RAB17: variants seen among roughly 807,000 people sequenced by gnomAD.
The protein encoded by RAB17 is ras-related protein Rab-17.
RAB17 carries 15 observed loss-of-function variants against 19.3 expected under a neutral mutation model. That is an observed-to-expected ratio of 0.78 (90% CI 0.52 to 1.20). The LOEUF (loss-of-function observed/expected upper bound fraction) is 1.20, where lower values mean the gene tolerates loss of function less well. Ranked by LOEUF, RAB17 falls within the 50% of genes most tolerant of loss-of-function variation. The pLI is 0.00. For missense variants in RAB17, 262 were observed against 269.3 expected, an observed-to-expected ratio of 0.97 and a Z score of 0.19; for synonymous variants, 110 against 112.8, an observed-to-expected ratio of 0.97 and a Z score of 0.16.
At position 237,575,082 on chromosome 2, in the gene RAB17, C is replaced by T. The variant is rs769259195; in HGVS notation, c.576G>A (p.Arg192=). Residue 192 remains arginine, a synonymous_variant, in exon 6 of 6, where the codon CGG becomes CGA. Coordinates refer to ENST00000264601, the MANE Select transcript of RAB17 (RefSeq NM_022449.4). ...TGTTCAGAGCCACAGCTGCATCCCC[C>T]CGTAGAGCCTGGCCCTCCTCGTCGC... The part of the protein sequence containing the change: ...QRSDEEGQAL[R]GDAAVALNKG... 6 of 1,613,742 alleles carry T rather than the reference C, an allele frequency of 3.7e-6. No individual in the cohort carries two copies. In the South Asian group the frequency reaches 5.5e-5, roughly 15 times the overall value.
intron 2 of RAB17, among the ~76,000 whole-genome samples, chr2:237,582,176 C>T (rs1261908139): frequency 6.6e-6 from 1 of 152,372 alleles, no homozygotes; most frequent in Non-Finnish European, 1.5e-5. Context: ...CTTCAGGGCT[C>T]GAGTCCATGT....
chr2:237,575,325 C>G, intron 5 of RAB17, 62 bp downstream of exon 5: 3 of 1,357,946 alleles, frequency 2.2e-6, no homozygotes, highest in Non-Finnish European at 1.0e-6. Context: ...CAACAGGGAC[C>G]CAGGGAAGTT....
In RAB17 at chr2:237,574,366, C is replaced by G. The variant is rs984079182; in HGVS notation, c.*653G>C. ...TAATTTTTGGAGGAAAAACTGCATA[C>G]GCAGTACAACTTATATCTCAGGCGA... On this transcript the variant is annotated 3_prime_UTR_variant, in exon 6 of 6. Coordinates refer to ENST00000264601, the MANE Select transcript of RAB17 (RefSeq NM_022449.4). 3 of 1,473,796 alleles carry G rather than the reference C, an allele frequency of 2.0e-6. No homozygotes were observed. Among genetic ancestry groups the G allele is most frequent in the Non-Finnish European group, 1.8e-6 (2 of 1,111,062 alleles). 91.3% of individuals were successfully genotyped at this position (1,473,796 alleles called of 1,614,324 possible).
chr2:237,579,346 A>C (rs1307796011), intron 2 of RAB17: 1 of 152,270 alleles, frequency 6.6e-6, no homozygotes, highest in Non-Finnish European at 1.5e-5. Flanking sequence ...TCAAATTAGC[A>C]AATTTCTTCC....
At chr2:237,575,211 C>T (rs745846541) in intron 5 of RAB17, 83 bp from the exon 6 acceptor site, 7 of 1,199,944 alleles carry the variant, frequency 5.8e-6, no homozygotes, top group Non-Finnish European at 7.1e-6. Context: ...CACCCCAGGA[C>T]CCGCCCCTCC....
In RAB17 at chr2:237,574,545, G is replaced by A; in HGVS notation, c.*474C>T. The A allele has an allele frequency of 8.4e-6, 13 of 1,550,366 alleles. No homozygotes were observed. Among genetic ancestry groups the A allele is most frequent in the Non-Finnish European group, 1.1e-5 (13 of 1,146,872 alleles). ...GTGGAAATCCTGGGCCCACCCCACA[G>A]TCAGTCATCGCTCCATTTCTTCCTG... On this transcript the variant is annotated 3_prime_UTR_variant, in exon 6 of 6. Transcript: ENST00000264601.
At chr2:237,589,722 G>A (rs1487431712) in intron 1 of RAB17, among the ~76,000 whole-genome samples, 1 of 152,166 alleles carries the variant, frequency 6.6e-6, no homozygotes, top group East Asian at 1.9e-4. Flanking sequence ...ATGTTATTAG[G>A]TTGTTGAAGA....
chr2:237,586,205 A>G, intron 1 of RAB17, 48 bp from the exon 2 acceptor site: 1 of 1,533,272 alleles, frequency 6.5e-7, no homozygotes. Context: ...TCGGAGCCAC[A>G]TCATCTCAGC....
chr2:237,578,250 C>A, intron 2 of RAB17, 95 bp from the exon 3 acceptor site: 1 of 1,280,292 alleles, frequency 7.8e-7, no homozygotes. Flanking sequence ...CAGCAATGGG[C>A]TCAGAGGGAC....
rs897506672 is a variant in RAB17, at chr2:237,574,920, G to A, written c.*99C>T. 17 of 1,010,276 alleles carry A rather than the reference G, an allele frequency of 1.7e-5. No individual in the cohort carries two copies. Among genetic ancestry groups the A allele is most frequent in the African/African-American group, 5.0e-5 (3 of 59,506 alleles). 62.6% of individuals were successfully genotyped at this position (1,010,276 alleles called of 1,614,324 possible). On this transcript the variant is annotated 3_prime_UTR_variant, in exon 6 of 6. Transcript: ENST00000264601. ...CAACTTCCAGGAACATCTAGGGCTC[G>A]GGAGCAACCCAGCATTGACAGTGAA...
In RAB17 at chr2:237,582,612, G is replaced by A. The variant is rs189092945; in HGVS notation, c.157+3386C>T. Among the ~76,000 whole-genome samples, 86 of 152,322 alleles carry A rather than the reference G, an allele frequency of 5.6e-4. 1 individual carries two copies. The highest frequency in any genetic ancestry group is 8.8e-5 in the Non-Finnish European group (6 of 68,028). ...CACTCCCATTCTCCTCTGAGGCTCT[G>A]CTCCTGGCCTACCCTCTCCCCTGGA... On this transcript the variant is annotated intron_variant, in intron 2 of 5. Transcript: ENST00000264601.
chr2:237,579,705 G>A (rs1240975600), intron 2 of RAB17: 2 of 117,022 alleles, frequency 1.7e-5, no homozygotes, highest in African/African-American at 8.7e-5. Context: ...TTTACGGGTG[G>A]GAGAAACTCA....
chr2:237,580,003 A>G (rs1168793099), intron 2 of RAB17, among the ~76,000 whole-genome samples: 1 of 152,230 alleles, frequency 6.6e-6, no homozygotes, highest in African/African-American at 2.4e-5. Context: ...TGAACCGGCT[A>G]TAAACCTCTG....
In RAB17 at chr2:237,589,134, C is replaced by T. The variant is rs1472853982; in HGVS notation, c.-4+1333G>A. On this transcript the variant is annotated intron_variant, in intron 1 of 5. Coordinates refer to ENST00000264601, the MANE Select transcript of RAB17 (RefSeq NM_022449.4). The stretch of plus-strand genomic sequence containing the variant: ...ACTCGGGAGGCTGAGGCAGGAAAAT[C>T]GCTTGAACCCAGGAGGCAGAGGTTT... Among the ~76,000 whole-genome samples the T allele has an allele frequency of 8.6e-5, 13 of 151,656 alleles. 1 individual carries two copies. The highest frequency in any genetic ancestry group is 2.4e-4 in the African/African-American group (10 of 41,010).
intron 1 of RAB17, among the ~76,000 whole-genome samples, chr2:237,590,038 T>G (rs139941918): frequency 0.022 from 3,367 of 152,256 alleles, 87 homozygotes; most frequent in Middle Eastern, 0.027. Context: ...CAATGTAGAT[T>G]GTAAAAAGGA....
At chr2:237,576,462 G>T in intron 4 of RAB17, 1 of 415,606 alleles carries the variant, frequency 2.4e-6, no homozygotes. Flanking sequence ...CGAGGGCTCA[G>T]ACTGACGCTG....
Position 237,575,117 on chromosome 2 carries a change from G to A in RAB17, c.541C>T (p.Leu181=). The A allele has an allele frequency of 6.2e-7, 1 of 1,613,228 alleles. No individual in the cohort carries two copies. Among genetic ancestry groups the A allele is most frequent in the Non-Finnish European group, 8.5e-7 (1 of 1,179,750 alleles). Residue 181 remains leucine, a synonymous_variant, in exon 6 of 6, where the codon CTG becomes TTG. Coordinates refer to ENST00000264601, the MANE Select transcript of RAB17 (RefSeq NM_022449.4). ...TGGCCCTCCTCGTCGCTTCTCTGCA[G>A]TAGCTCTTGGGCTGTGAACAGCAAG... The part of the protein sequence containing the change: ...EVFNTVAQEL[L]QRSDEEGQAL...
chr2:237,583,593 T>G (rs1388937008), intron 2 of RAB17, among the ~76,000 whole-genome samples: 3 of 152,144 alleles, frequency 2.0e-5, no homozygotes, highest in Admixed American at 6.5e-5. Flanking sequence ...GCTGATGGGA[T>G]GAAGGCAGCT....
At chr2:237,575,678 G>A (rs934294075) in intron 4 of RAB17, 198 bp from the exon 5 acceptor site, 1 of 543,662 alleles carries the variant, frequency 1.8e-6, no homozygotes. Context: ...CCCTGGAAGA[G>A]GCTCTTCCTC....
Sources: allele counts gnomAD v4.1 joint callset (sites outside exome capture counted in the v4.1 genomes callset), GRCh38; gene constraint gnomAD v4.1.1; transcripts MANE v1.5; gene names NCBI Gene and HGNC (gene_info 2026-07-23, HGNC 2026-07-21).